Variants in RAB3C observed in about 807,000 individuals in gnomAD.
RAB3C encodes RAB3C, member RAS oncogene family, also known as ras-related protein Rab-3C.
Under a neutral mutation model 26.4 loss-of-function variants are expected in RAB3C, and 17 were observed. The ratio of observed to expected loss-of-function variants is 0.64; its 90% CI spans 0.44 to 0.97. The LOEUF (loss-of-function observed/expected upper bound fraction) is 0.97, where lower values mean the gene tolerates loss of function less well. Ranked by LOEUF, RAB3C falls within the 50% of genes least tolerant of loss-of-function variation. The pLI is 0.00. For synonymous variants in RAB3C, 91 were observed against 95.9 expected (o/e 0.95, Z 0.30); for missense variants, 242 against 281.9 (o/e 0.86, Z 1.01).
chr5:58,681,830 G>T (rs1748349528), intron 2 of RAB3C, among the ~76,000 whole-genome samples: 1 of 152,160 alleles, frequency 6.6e-6, no homozygotes, highest in Admixed American at 6.5e-5. Flanking sequence ...AGATTCATCT[G>T]ACCATTCTTT....
chr5:58,787,138 A>T (rs1742409776), intron 3 of RAB3C, among the ~76,000 whole-genome samples: 1 of 152,196 alleles, frequency 6.6e-6, no homozygotes, highest in Non-Finnish European at 1.5e-5. Flanking sequence ...ACATCTCCGG[A>T]TGATACACAC....
chr5:58,761,682 T>G (rs1741800103), intron 3 of RAB3C, among the ~76,000 whole-genome samples: 1 of 152,128 alleles, frequency 6.6e-6, no homozygotes, highest in Non-Finnish European at 1.5e-5. Context: ...TTGCCTTCCA[T>G]CAGGGACACA....
chr5:58,710,555 C>T (rs1331034283), intron 2 of RAB3C, among the ~76,000 whole-genome samples: 7 of 151,592 alleles, frequency 4.6e-5, no homozygotes, highest in Admixed American at 3.3e-4. Flanking sequence ...GCCGAGATCA[C>T]GCCACTGCAC....
intron 3 of RAB3C, among the ~76,000 whole-genome samples, chr5:58,736,073 C>T (rs1286045547): frequency 2.6e-5 from 4 of 152,152 alleles, no homozygotes; most frequent in African/African-American, 9.7e-5. Flanking sequence ...TAGGAATTTA[C>T]CATTTTTAGC....
At chr5:58,763,679 C>A (rs1211137480) in intron 3 of RAB3C, among the ~76,000 whole-genome samples, 1 of 152,220 alleles carries the variant, frequency 6.6e-6, no homozygotes, top group Admixed American at 6.5e-5. Context: ...GCAGTTCCCC[C>A]TTCCCTGGTT....
At chr5:58,590,166 G>T (rs761091526) in intron 1 of RAB3C, among the ~76,000 whole-genome samples, 11 of 152,136 alleles carry the variant, frequency 7.2e-5, no homozygotes, top group African/African-American at 2.7e-4. Flanking sequence ...AACTAAATAT[G>T]CATATAAAAA....
At chr5:58,636,913 A>G (rs1747301767) in intron 2 of RAB3C, among the ~76,000 whole-genome samples, 1 of 152,204 alleles carries the variant, frequency 6.6e-6, no homozygotes, top group South Asian at 2.1e-4. Context: ...AATACATCAC[A>G]TAAAAAATTT....
At chr5:58,713,224 G>C (rs1188568389) in intron 2 of RAB3C, among the ~76,000 whole-genome samples, 2 of 152,124 alleles carry the variant, frequency 1.3e-5, no homozygotes, top group Non-Finnish European at 2.9e-5. Flanking sequence ...CATAAAGACA[G>C]CCAGATAAGA....
intron 2 of RAB3C, among the ~76,000 whole-genome samples, chr5:58,642,444 A>G (rs1391655835): frequency 6.6e-6 from 1 of 152,208 alleles, no homozygotes; most frequent in African/African-American, 2.4e-5. Flanking sequence ...TTCCAATTTA[A>G]TGCAGTTACT....
chr5:58,704,143 G>T (rs555348792), intron 2 of RAB3C, among the ~76,000 whole-genome samples: 2 of 152,240 alleles, frequency 1.3e-5, no homozygotes, highest in East Asian at 3.9e-4. Flanking sequence ...CCTATTTTAA[G>T]CCACTATTTC....
At chr5:58,707,251 A>G (rs1271061574) in intron 2 of RAB3C, among the ~76,000 whole-genome samples, 1 of 152,242 alleles carries the variant, frequency 6.6e-6, no homozygotes, top group Non-Finnish European at 1.5e-5. Flanking sequence ...AGGACATCCA[A>G]AAATTAGATA....
chr5:58,633,838 ATTTG>A (rs1393074822), intron 2 of RAB3C, among the ~76,000 whole-genome samples: 2 of 152,264 alleles, frequency 1.3e-5, no homozygotes, highest in South Asian at 2.1e-4. Flanking sequence ...TACTTGTTAA[ATTTG>A]TTTGTTTGGG....
intron 1 of RAB3C, among the ~76,000 whole-genome samples, chr5:58,615,254 T>G (rs1349674756): frequency 3.3e-5 from 5 of 152,154 alleles, no homozygotes; most frequent in African/African-American, 9.7e-5. Context: ...GATAGTAAGC[T>G]ATCAGGCCAA....
At chr5:58,822,882 T>C (rs1743374781) in intron 3 of RAB3C, 1 of 638,854 alleles carries the variant, frequency 1.6e-6, no homozygotes, top group East Asian at 3.5e-5. Flanking sequence ...CAAGTGGAGA[T>C]GACTGGAGAT....
chr5:58,626,461 T>C (rs1409076184), intron 2 of RAB3C, among the ~76,000 whole-genome samples: 1 of 152,208 alleles, frequency 6.6e-6, no homozygotes, highest in Non-Finnish European at 1.5e-5. Flanking sequence ...CTAGACTTAC[T>C]TGGTTCTAAA....
intron 2 of RAB3C, among the ~76,000 whole-genome samples, chr5:58,700,248 T>G (rs1748813760): frequency 6.6e-6 from 1 of 152,240 alleles, no homozygotes; most frequent in African/African-American, 2.4e-5. Flanking sequence ...TTAAATACTT[T>G]AAAAGACAAA....
chr5:58,600,899 G>A (rs2545790), intron 1 of RAB3C, among the ~76,000 whole-genome samples: 1 of 152,052 alleles, frequency 6.6e-6, no homozygotes, highest in African/African-American at 2.4e-5. Context: ...GGAGTGGTGA[G>A]AGTGGGCATC....
chr5:58,789,253 ATTAAC>A (rs1357852312), intron 3 of RAB3C, among the ~76,000 whole-genome samples: 2 of 152,106 alleles, frequency 1.3e-5, no homozygotes, highest in Non-Finnish European at 2.9e-5. Context: ...TTCTCACAAC[ATTAAC>A]CAAGGTGAAA....
intron 2 of RAB3C, among the ~76,000 whole-genome samples, chr5:58,648,802 C>G (rs976436357): frequency 6.6e-6 from 1 of 152,090 alleles, no homozygotes; most frequent in Non-Finnish European, 1.5e-5. Context: ...GAGGTTAATG[C>G]AATAAAATTT....
Sources: gnomAD v4.1 joint callset for allele counts (sites outside exome capture counted in the v4.1 genomes callset) on GRCh38, gnomAD v4.1.1 for gene constraint, MANE v1.5 for transcripts, NCBI Gene and HGNC (gene_info 2026-07-23, HGNC 2026-07-21) for gene names.